Variants in RAB11FIP5 observed in about 807,000 individuals in gnomAD.
The protein encoded by RAB11FIP5 is rab11 family-interacting protein 5.
RAB11FIP5 carries 48 observed loss-of-function variants against 85.1 expected under a neutral mutation model. That is an observed-to-expected ratio of 0.56 (90% CI 0.45 to 0.72). RAB11FIP5 has a LOEUF of 0.72. Among genes scored for constraint, RAB11FIP5 ranks in the 30% least tolerant of loss-of-function variants. RAB11FIP5 has a pLI of 0.00. For missense variants in RAB11FIP5, 1,491 were observed against 1,687.0 expected, an observed-to-expected ratio of 0.88 and a Z score of 2.04; for synonymous variants, 729 against 727.3, an observed-to-expected ratio of 1.00 and a Z score of -0.04.
rs538964905 is a variant in RAB11FIP5 at position 73,081,321 on chromosome 2, G to T, written c.1911C>A (p.Pro637=). The T allele has an allele frequency of 3.9e-4, 487 of 1,232,988 alleles. 5 individuals are homozygous for T. In the South Asian group the frequency reaches 6.9e-3, roughly 17 times the overall value. The allele number at this position is 1,232,988 out of a possible 1,614,324, so 76.4% of individuals were successfully genotyped here. A position where few individuals can be genotyped will look rare whatever the true frequency, so the allele number is the denominator to read the frequency against. The change falls in exon 4 of 6, where the codon CCC becomes CCA. Residue 637 remains proline, a synonymous_variant. Coordinates refer to ENST00000486777, the MANE Select transcript of RAB11FIP5 (RefSeq NM_001371272.1). This position sits in a 1 kb window ranked among gnomAD's most constrained non-coding sequence, Gnocchi z 4.2. ...LPSASRASPT[P]LASPGKALPE... is the part of the protein sequence containing the mutation. ...GCAGGGCTTTCCCAGGGGAGGCCAG[G>T]GGGGTGGGGCTGGCCCTCGAGGCAC...
At chr2:73,079,527 A>C in intron 4 of RAB11FIP5, 124 bp downstream of exon 4, 1 of 1,163,470 alleles carries the variant, frequency 8.6e-7, no homozygotes, top group East Asian at 3.2e-5. Context: ...CCTCTGGGGT[A>C]AAAGAGACCC....
In RAB11FIP5 at chr2:73,075,063, C is replaced by T. The variant is rs574829832; in HGVS notation, c.*458G>A. The T allele has an allele frequency of 5.5e-6, 2 of 364,940 alleles. No homozygotes were observed. The highest frequency in any genetic ancestry group is 4.2e-5 in the African/African-American group (2 of 47,118). The allele number at this position is 364,940 out of a possible 1,614,324, so 22.6% of individuals were successfully genotyped here. ...CAAACAGGCAGCGTGGTCATTGTCC[C>T]AGTAATACTAGAAGCCCCTCCAGGG... On this transcript the variant is annotated 3_prime_UTR_variant, in exon 6 of 6. Transcript: ENST00000486777. This position sits in a 1 kb window ranked among gnomAD's most constrained non-coding sequence, Gnocchi z 4.6.
rs376761475 is a variant in RAB11FIP5 at position 73,088,921 on chromosome 2, T to C, written c.826A>G (p.Thr276Ala). The C allele has an allele frequency of 2.5e-6, 4 of 1,584,852 alleles. No homozygotes were observed. The highest frequency in any genetic ancestry group is 3.4e-6 in the Non-Finnish European group (4 of 1,167,042). ...CAGCTGCTACGGCTTGGTGAGCGGG[T>C]GAGGAGTTCGGCGCCAGGTCCCTGG... ...AYQGPGAELL[T>A]RSPSRSSWLS... Residue 276 changes from threonine (T) to alanine (A), a missense_variant, in exon 2 of 6, where the codon ACC (threonine) becomes GCC (alanine). Transcript: ENST00000486777.
rs369007194 is a variant in RAB11FIP5 at position 73,081,973 on chromosome 2, G to A, written c.1569-310C>T. ...GTTCTTTCCTCTATCCCATGCTGAA[G>A]CTTCTAAGGTTCTACTCAACAAGGA... On this transcript the variant is annotated intron_variant, in intron 3 of 5. Transcript: ENST00000486777. The surrounding 1 kb of genome is among the most constrained non-coding windows in gnomAD (Gnocchi z 4.2). Among the ~76,000 whole-genome samples, 3 of 151,564 alleles carry A rather than the reference G, an allele frequency of 2.0e-5. No individual in the cohort carries two copies. In the East Asian group the frequency reaches 5.8e-4, roughly 29 times the overall value.
chr2:73,090,407 A>G (rs1684186273), intron 1 of RAB11FIP5, among the ~76,000 whole-genome samples: 4 of 152,206 alleles, frequency 2.6e-5, no homozygotes, highest in Admixed American at 2.0e-4. Flanking sequence ...TACTTTGCCT[A>G]CTGAGGTAAA....
In RAB11FIP5 at chr2:73,080,248, G is replaced by T; in HGVS notation, c.2984C>A (p.Ala995Asp). The change falls in exon 4 of 6, where the codon GCC becomes GAC. Residue 995 changes from alanine to aspartate, a missense_variant. Ala to Asp is a moderately radical substitution (Grantham distance 126). This residue lies in a region of RAB11FIP5 where 1,211 missense variants were observed against 1,338.0 expected (regional missense o/e 0.91). Coordinates refer to ENST00000486777, the MANE Select transcript of RAB11FIP5 (RefSeq NM_001371272.1). ...GGGGGCAGGACCCTCAGGGCAGCTG[G>T]CGGGTGCAGACAGGCAGGGCCCAGA... Reference protein sequence around the residue: ...PVSGPCLSAPASCPEGPAPIP... With the variant: ...PVSGPCLSAPDSCPEGPAPIP... 1 of 1,232,810 alleles carries T rather than the reference G, an allele frequency of 8.1e-7. No individual in the cohort carries two copies. The highest frequency in any genetic ancestry group is 1.0e-6 in the Non-Finnish European group (1 of 988,560). 76.4% of individuals were successfully genotyped at this position (1,232,810 alleles called of 1,614,324 possible).
Position 73,080,303 on chromosome 2 carries a change from C to T in RAB11FIP5, c.2929G>A (p.Glu977Lys). The change falls in exon 4 of 6, where the codon GAG (glutamate) becomes AAG (lysine). Residue 977 changes from glutamate (E) to lysine (K), a missense_variant. Physicochemically the swap from Glu to Lys is moderately conservative, Grantham distance 56. Transcript: ENST00000486777. Reference sequence around the variant, plus strand: ...GGGGGGCTGGCATCCTCCACTAGCTCTTCCAGGCCAGGCTGGCCCAGCAGG... The same window carrying T: ...GGGGGGCTGGCATCCTCCACTAGCTTTTCCAGGCCAGGCTGGCCCAGCAGG... ...ATLLGQPGLE[E>K]LVEDASPPVS... 8 of 1,233,198 alleles carry T rather than the reference C, an allele frequency of 6.5e-6. No homozygotes were observed. The highest frequency in any genetic ancestry group is 8.1e-6 in the Non-Finnish European group (8 of 988,784). The allele number at this position is 1,233,198 out of a possible 1,614,324, so 76.4% of individuals were successfully genotyped here.
At chr2:73,090,072 C>T (rs773370808) in intron 1 of RAB11FIP5, among the ~76,000 whole-genome samples, 5 of 152,128 alleles carry the variant, frequency 3.3e-5, no homozygotes, top group African/African-American at 1.2e-4. Context: ...AGGGTTCTTA[C>T]CTCACTCCCG....
rs1417267258 is a variant in RAB11FIP5, at chr2:73,080,867, A to G, written c.2365T>C (p.Phe789Leu). The G allele has an allele frequency of 8.1e-6, 10 of 1,232,200 alleles. No homozygotes were observed. The highest frequency in any genetic ancestry group is 1.6e-5 in the African/African-American group (1 of 64,382). 76.3% of individuals were successfully genotyped at this position (1,232,200 alleles called of 1,614,324 possible). A position where few individuals can be genotyped will look rare whatever the true frequency, so the allele number is the denominator to read the frequency against. The change falls in exon 4 of 6, where the codon TTT becomes CTT. Residue 789 changes from phenylalanine to leucine, a missense_variant. By Grantham distance (22) the Phe-to-Leu change is conservative (BLOSUM62 0). Around this residue, in one of 3 missense-constraint regions of RAB11FIP5, gnomAD observed 1,211 missense variants for 1,338.0 expected, o/e 0.91. Coordinates refer to ENST00000486777, the MANE Select transcript of RAB11FIP5 (RefSeq NM_001371272.1). ...ACACTGATCACTTCTGGGGAGCTAA[A>G]TAGAGATGTCCCACTGTCTGCCGGA... ...QSPADSGTSL[F>L]SSPEVISVWE...
chr2:73,090,156 G>T (rs1340388612), intron 1 of RAB11FIP5, among the ~76,000 whole-genome samples: 1 of 152,140 alleles, frequency 6.6e-6, no homozygotes, highest in Non-Finnish European at 1.5e-5. Flanking sequence ...GAGGCTCAGT[G>T]GTAAAGGAAC....
chr2:73,111,686 G>A lies in RAB11FIP5; in HGVS notation c.431+661C>T, dbSNP rs541711140. On this transcript the variant is annotated intron_variant, in intron 1 of 5. Transcript: ENST00000486777. ...GGCAGGGCAGGCAGGCAGGCCACTG[G>A]AAGGCTGACTCAAGTGTTTCCTTCC... is the stretch of plus-strand genomic sequence containing the variant. Among the ~76,000 whole-genome samples, 317 of 152,328 alleles carry A rather than the reference G, an allele frequency of 2.1e-3. 1 individual carries two copies. The highest frequency in any genetic ancestry group is 0.014 in the Middle Eastern group (4 of 294).
intron 1 of RAB11FIP5, among the ~76,000 whole-genome samples, chr2:73,107,581 GC>G (rs1684554908): frequency 6.6e-6 from 1 of 152,120 alleles, no homozygotes; most frequent in African/African-American, 2.4e-5. Flanking sequence ...GGCAGGGGAA[GC>G]TGCCAGGCCA....
At chr2:73,103,707 C>G (rs1684471620) in intron 1 of RAB11FIP5, among the ~76,000 whole-genome samples, 1 of 152,138 alleles carries the variant, frequency 6.6e-6, no homozygotes, top group African/African-American at 2.4e-5. Context: ...CCAAACCACA[C>G]AGAAAGATGT....
rs759808205 is a variant in RAB11FIP5, at chr2:73,088,847, C to A, written c.868+32G>T. 26 of 1,539,072 alleles carry A rather than the reference C, an allele frequency of 1.7e-5. No individual in the cohort carries two copies. In the South Asian group the frequency reaches 2.9e-4, roughly 17 times the overall value. ...ACCCAAGGGGAGAGCCAGTGCCCCC[C>A]TCCCCAGGGCGGCGGCCCTGTGCTT... On this transcript the variant is annotated intron_variant, in intron 2 of 5. Coordinates refer to ENST00000486777, the MANE Select transcript of RAB11FIP5 (RefSeq NM_001371272.1).
Position 73,088,998 on chromosome 2 carries a change from G to T in RAB11FIP5, c.749C>A (p.Thr250Asn), listed in dbSNP as rs763683535. ...CAGGGTGCTGTCCGAGCCCAGCGAG[G>T]TGTTGGACTGGGTCAGGGACGACTT... ...LRKSSLTQSN[T>N]SLGSDSTLSS... The change falls in exon 2 of 6, where the codon ACC becomes AAC. Residue 250 changes from threonine (T) to asparagine (N), a missense_variant. Physicochemically the swap from Thr to Asn is moderately conservative, Grantham distance 65. Around this residue, in one of 3 missense-constraint regions of RAB11FIP5, gnomAD observed 1,211 missense variants for 1,338.0 expected, o/e 0.91. Transcript: ENST00000486777. The T allele has an allele frequency of 4.3e-6, 7 of 1,614,116 alleles. No individual in the cohort carries two copies. The highest frequency in any genetic ancestry group is 5.9e-6 in the Non-Finnish European group (7 of 1,180,042).
Position 73,089,438 on chromosome 2 carries a change from G to A in RAB11FIP5, c.432-123C>T, listed in dbSNP as rs754917473. ...GAGCCACTGATAGCCTCTCCCCAAAGGCTCCTGCTCTGACCCATCGGCCTG... is the reference window on the plus strand; with the variant it reads ...GAGCCACTGATAGCCTCTCCCCAAAAGCTCCTGCTCTGACCCATCGGCCTG... On this transcript the variant is annotated intron_variant, in intron 1 of 5. Transcript: ENST00000486777. The surrounding 1 kb of genome is among the most constrained non-coding windows in gnomAD (Gnocchi z 4.6). 7 of 1,010,690 alleles carry A rather than the reference G, an allele frequency of 6.9e-6. No homozygotes were observed. The highest frequency in any genetic ancestry group is 2.0e-4 in the Middle Eastern group (1 of 4,926). 62.6% of individuals were successfully genotyped at this position (1,010,690 alleles called of 1,614,324 possible). A position where few individuals can be genotyped will look rare whatever the true frequency, so the allele number is the denominator to read the frequency against.
rs753477455 is a variant in RAB11FIP5 at position 73,081,445 on chromosome 2, G to C, written c.1787C>G (p.Thr596Ser). Residue 596 changes from threonine to serine, a missense_variant, in exon 4 of 6, where the codon ACC (threonine) becomes AGC (serine). Thr to Ser is a moderately conservative substitution (Grantham distance 58). Around this residue, in one of 3 missense-constraint regions of RAB11FIP5, gnomAD observed 1,211 missense variants for 1,338.0 expected, o/e 0.91. Coordinates refer to ENST00000486777, the MANE Select transcript of RAB11FIP5 (RefSeq NM_001371272.1). The surrounding 1 kb of genome is among the most constrained non-coding windows in gnomAD (Gnocchi z 4.2). ...CTGCAAAGAGGTGAGGAACGGGTTG[G>C]TAAGACCCAATAATCCAGGTGGGGT... ...EATPPGLLGLTNPFLTSLQSN... is the reference protein window; with the variant it reads ...EATPPGLLGLSNPFLTSLQSN... 1.9e-5 allele frequency: 24 copies of C among 1,233,064 alleles called. No individual in the cohort carries two copies. The highest frequency in any genetic ancestry group is 2.3e-5 in the Non-Finnish European group (23 of 988,470). The allele number at this position is 1,233,064 out of a possible 1,614,324, so 76.4% of individuals were successfully genotyped here.
At chr2:73,084,783 A>T (rs1352702283) in intron 3 of RAB11FIP5, among the ~76,000 whole-genome samples, 1 of 152,178 alleles carries the variant, frequency 6.6e-6, no homozygotes, top group Non-Finnish European at 1.5e-5. Flanking sequence ...ATGGCAAGTG[A>T]ATCTGCACAA....
intron 1 of RAB11FIP5, among the ~76,000 whole-genome samples, chr2:73,091,121 C>T (rs983406581): frequency 2.6e-5 from 4 of 152,128 alleles, no homozygotes; most frequent in Non-Finnish European, 5.9e-5. Context: ...GGAAATCATA[C>T]AAGAATGTTT....
Sources: allele counts gnomAD v4.1 joint callset (sites outside exome capture counted in the v4.1 genomes callset), GRCh38; gene constraint gnomAD v4.1.1; regional missense constraint gnomAD v4.1.1; non-coding constraint Gnocchi (gnomAD v3.1); transcripts MANE v1.5; gene names NCBI Gene and HGNC (gene_info 2026-07-23, HGNC 2026-07-21).